Variants in MACROD2 observed in about 807,000 individuals in gnomAD.
MACROD2 encodes the protein ADP-ribose glycohydrolase MACROD2.
Under a neutral mutation model 70.4 loss-of-function variants are expected in MACROD2, and 36 were observed. The ratio of observed to expected loss-of-function variants is 0.51; its 90% confidence interval spans 0.39 to 0.68. MACROD2 has a LOEUF of 0.68. MACROD2 is among the 30% of genes least tolerant of loss of function. The pLI is 0.00. For synonymous variants in MACROD2, 172 were observed against 178.8 expected, an observed-to-expected ratio of 0.96 and a Z score of 0.30; for missense variants, 496 against 538.4, an observed-to-expected ratio of 0.92 and a Z score of 0.78.
chr20:14,456,416 G>A (rs1285928689), intron 3 of MACROD2, among the ~76,000 whole-genome samples: 1 of 151,734 alleles, frequency 6.6e-6, no homozygotes, highest in Admixed American at 6.6e-5. Flanking sequence ...TTCAAAAAGA[G>A]CTCATCATTC....
chr20:14,434,001 G>A (rs2122936843), intron 3 of MACROD2, among the ~76,000 whole-genome samples: 1 of 152,186 alleles, frequency 6.6e-6, no homozygotes, highest in East Asian at 1.9e-4. Flanking sequence ...GCATCTAGAA[G>A]TTATATGCAA....
intron 4 of MACROD2, among the ~76,000 whole-genome samples, chr20:14,653,461 T>G (rs1224723739): frequency 6.6e-6 from 1 of 151,750 alleles, no homozygotes; most frequent in Non-Finnish European, 1.5e-5. Context: ...CTCGTGATCT[T>G]CCCGCCTCGG....
chr20:15,372,559 C>A, intron 6 of MACROD2, among the ~76,000 whole-genome samples: 1 of 152,094 alleles, frequency 6.6e-6, no homozygotes, highest in East Asian at 1.9e-4. Flanking sequence ...AGGTTAACAT[C>A]TTTTTCTAGA....
intron 3 of MACROD2, among the ~76,000 whole-genome samples, chr20:14,423,233 A>G (rs2083894676): frequency 6.6e-6 from 1 of 152,056 alleles, no homozygotes; most frequent in African/African-American, 2.4e-5. Context: ...AAAATTTTCT[A>G]TTATTTCGAA....
At chr20:15,020,977 T>TACACATGTGTGTATATGTATATGCATAC (rs1370615083) in intron 5 of MACROD2, among the ~76,000 whole-genome samples, 4 of 146,202 alleles carry the variant, frequency 2.7e-5, no homozygotes, top group African/African-American at 1.1e-4. Context: ...TGTATACATA[T>TACACATGTGTGTATATGTATATGCATAC]ACACATGTGT....
At chr20:14,072,419 A>G (rs2053857760) in intron 2 of MACROD2, among the ~76,000 whole-genome samples, 1 of 120,644 alleles carries the variant, frequency 8.3e-6, no homozygotes, top group Non-Finnish European at 1.8e-5. Context: ...GCCTGGGTTC[A>G]AATCCCAGCC....
chr20:15,629,118 T>C (rs1458870819), intron 8 of MACROD2, among the ~76,000 whole-genome samples: 1 of 152,216 alleles, frequency 6.6e-6, no homozygotes, highest in Non-Finnish European at 1.5e-5. Flanking sequence ...TATTCGCATT[T>C]CTGTGGAGTT....
rs138398044 is a variant in MACROD2 at position 15,527,457 on chromosome 20, T to C, written c.645+27610T>C. On this transcript the variant is annotated intron_variant, in intron 8 of 17. Transcript: ENST00000684519. ...GAAAATGAGTTAATAACATGAGAGG[T>C]TTATGCATTAACTATTTAATAACCA... 2.8e-3 allele frequency among the ~76,000 whole-genome samples: 424 copies of C among 152,094 alleles called. 2 individuals carry two copies. The highest frequency in any genetic ancestry group is 9.8e-3 in the African/African-American group (407 of 41,484).
At chr20:14,958,009 T>C (rs542793696) in intron 5 of MACROD2, among the ~76,000 whole-genome samples, 1 of 152,298 alleles carries the variant, frequency 6.6e-6, no homozygotes, top group Non-Finnish European at 1.5e-5. Flanking sequence ...CCTAATAATA[T>C]CCACTCTTGT....
chr20:15,746,820 G>A (rs1442829955), intron 8 of MACROD2, among the ~76,000 whole-genome samples: 1 of 152,052 alleles, frequency 6.6e-6, no homozygotes, highest in Non-Finnish European at 1.5e-5. Flanking sequence ...TGAGAGCTGA[G>A]CTGCCAGGGG....
chr20:14,241,797 A>G (rs2081931878), intron 3 of MACROD2, among the ~76,000 whole-genome samples: 1 of 152,170 alleles, frequency 6.6e-6, no homozygotes, highest in South Asian at 2.1e-4. Flanking sequence ...TTGTCTTCAT[A>G]CTTAGAATTT....
intron 10 of MACROD2, among the ~76,000 whole-genome samples, chr20:15,929,512 C>A (rs140377389): frequency 3.9e-5 from 6 of 152,046 alleles, no homozygotes; most frequent in Admixed American, 3.9e-4. Context: ...ATCTGCAAAG[C>A]ACTGGTTTTG....
At position 14,646,724 on chromosome 20, in the gene MACROD2, T is replaced by C. The variant is rs1985414095; in HGVS notation, c.302-38119T>C. 1.3e-5 allele frequency among the ~76,000 whole-genome samples: 2 copies of C among 152,092 alleles called. 1 individual carries two copies. The highest frequency in any genetic ancestry group is 1.3e-4 in the Admixed American group (2 of 15,236). The stretch of plus-strand genomic sequence containing the variant: ...TGTTTATTTTTAACATAATGGTACA[T>C]TGTTTCATGAAAAGTAACCATATTT... On this transcript the variant is annotated intron_variant, in intron 4 of 17. Coordinates refer to ENST00000684519, the MANE Select transcript of MACROD2 (RefSeq NM_001351661.2).
chr20:14,011,613 C>CT (rs928954039), intron 2 of MACROD2, among the ~76,000 whole-genome samples: 109 of 151,106 alleles, frequency 7.2e-4, no homozygotes, highest in Non-Finnish European at 4.3e-4. Context: ...ACTGCAAGCT[C>CT]TGCCTCCCGG....
At chr20:15,742,510 C>T (rs2051120595) in intron 8 of MACROD2, among the ~76,000 whole-genome samples, 1 of 152,096 alleles carries the variant, frequency 6.6e-6, no homozygotes, top group South Asian at 2.1e-4. Context: ...AGGGACAGCC[C>T]ATAACATAGG....
chr20:15,006,972 A>C (rs889896112), intron 5 of MACROD2, among the ~76,000 whole-genome samples: 1 of 152,048 alleles, frequency 6.6e-6, no homozygotes, highest in Non-Finnish European at 1.5e-5. Context: ...ATAAAGTCTA[A>C]GGCTTTGCAA....
rs150176340 is a variant in MACROD2 at position 15,217,312 on chromosome 20, A to C, written c.419-12628A>C. Among the ~76,000 whole-genome samples the C allele has an allele frequency of 1.1e-3, 169 of 152,268 alleles. 2 individuals are homozygous for C. The East Asian group carries it at 0.013, about 12-fold the overall frequency. Reference sequence around the variant, plus strand: ...AGTAGTACTTCTCATCACCTCCCACATGCCAGGTACTCGACTTGATGCTTT... The same window carrying C: ...AGTAGTACTTCTCATCACCTCCCACCTGCCAGGTACTCGACTTGATGCTTT... On this transcript the variant is annotated intron_variant, in intron 5 of 17. Transcript: ENST00000684519.
At chr20:14,654,344 C>A (rs1036660520) in intron 4 of MACROD2, among the ~76,000 whole-genome samples, 11 of 151,540 alleles carry the variant, frequency 7.3e-5, no homozygotes, top group African/African-American at 2.7e-4. Context: ...GTCAGGAGTT[C>A]AAGAGCAGCC....
At chr20:15,434,774 C>T (rs1465047432) in intron 7 of MACROD2, among the ~76,000 whole-genome samples, 1 of 152,068 alleles carries the variant, frequency 6.6e-6, no homozygotes, top group Non-Finnish European at 1.5e-5. Flanking sequence ...AACCTAAATG[C>T]CCATCAACCA....
Sources: gnomAD v4.1 joint callset for allele counts (sites outside exome capture counted in the v4.1 genomes callset) on GRCh38, gnomAD v4.1.1 for gene constraint, MANE v1.5 for transcripts, NCBI Gene and HGNC (gene_info 2026-07-23, HGNC 2026-07-21) for gene names.